Variants in WHRN observed in about 807,000 individuals in gnomAD.
WHRN encodes whirlin.
WHRN carries 41 observed loss-of-function variants against 68.3 expected under a neutral mutation model. That is an observed-to-expected ratio of 0.60 (90% CI 0.47 to 0.78). The LOEUF (loss-of-function observed/expected upper bound fraction) is 0.78, where lower values mean the gene tolerates loss of function less well. Among genes scored for constraint, WHRN ranks in the 30% least tolerant of loss-of-function variants. The probability of loss-of-function intolerance (pLI) is 0.00; values close to 1 mark genes in which losing one functional copy is unlikely to be tolerated. For missense variants in WHRN, 1,243 were observed against 1,244.7 expected, an observed-to-expected ratio of 1.00 and a Z score of 0.02; for synonymous variants, 560 against 561.3, an observed-to-expected ratio of 1.00 and a Z score of 0.03.
chr9:114,476,816 G>C (rs987977136), intron 2 of WHRN, among the ~76,000 whole-genome samples: 1 of 152,144 alleles, frequency 6.6e-6, no homozygotes, highest in Non-Finnish European at 1.5e-5. Flanking sequence ...CTACCTCCCA[G>C]TGTGGCTGCG....
chr9:114,404,642 C>T (rs771316075), intron 9 of WHRN, among the ~76,000 whole-genome samples: 1 of 151,972 alleles, frequency 6.6e-6, no homozygotes, highest in Non-Finnish European at 1.5e-5. Flanking sequence ...GAGACCCTAA[C>T]TTAAGAACAC....
At position 114,443,554 on chromosome 9, in the gene WHRN, T is replaced by A. The variant is rs74985203; in HGVS notation, c.964-17141A>T. Among the ~76,000 whole-genome samples the A allele has an allele frequency of 1.6e-3, 237 of 152,350 alleles. 1 individual carries two copies. The highest frequency in any genetic ancestry group is 3.4e-3 in the Middle Eastern group (1 of 294). On this transcript the variant is annotated intron_variant, in intron 3 of 11. Coordinates refer to ENST00000362057, the MANE Select transcript of WHRN (RefSeq NM_015404.4). ...ACCTCTACTTCAACAACCCTTGTGA[T>A]GACACGCGACCCACCAGGATAATCC...
At chr9:114,436,907 A>G (rs1350936184) in intron 3 of WHRN, among the ~76,000 whole-genome samples, 1 of 151,940 alleles carries the variant, frequency 6.6e-6, no homozygotes, top group African/African-American at 2.4e-5. Context: ...ATGAAAAATA[A>G]AAAACTTTTT....
intron 9 of WHRN, among the ~76,000 whole-genome samples, chr9:114,405,042 T>C (rs1834921953): frequency 6.7e-6 from 1 of 150,190 alleles, no homozygotes; most frequent in African/African-American, 2.4e-5. Context: ...CTTGGTAAGC[T>C]AGAAATTACT....
At chr9:114,433,067 C>G (rs1837553369) in intron 3 of WHRN, among the ~76,000 whole-genome samples, 1 of 152,210 alleles carries the variant, frequency 6.6e-6, no homozygotes, top group African/African-American at 2.4e-5. Flanking sequence ...TCATTAAGAG[C>G]TGGGATCTGG....
chr9:114,466,511 G>GCC, intron 2 of WHRN, 119 bp from the exon 3 acceptor site: 1 of 1,458,624 alleles, frequency 6.9e-7, no homozygotes, highest in South Asian at 1.1e-5. Flanking sequence ...TGGCAAGGAG[G>GCC]CCCAGGCCAA....
intron 7 of WHRN, among the ~76,000 whole-genome samples, chr9:114,419,461 A>G (rs1458993628): frequency 1.3e-5 from 2 of 152,254 alleles, no homozygotes. Context: ...TCAAGCAGTC[A>G]GCAGTCACAT....
chr9:114,477,097 G>A (rs1841713927), intron 2 of WHRN, among the ~76,000 whole-genome samples: 1 of 152,226 alleles, frequency 6.6e-6, no homozygotes, highest in South Asian at 2.1e-4. Flanking sequence ...CCGGGCTGCT[G>A]TGGTGCATAC....
At chr9:114,427,687 G>A (rs987011655) in intron 3 of WHRN, among the ~76,000 whole-genome samples, 1 of 152,184 alleles carries the variant, frequency 6.6e-6, no homozygotes, top group Non-Finnish European at 1.5e-5. Context: ...CAGTTCCCCG[G>A]CTTTTCTTGA....
At chr9:114,460,795 C>T (rs1373515894) in intron 3 of WHRN, among the ~76,000 whole-genome samples, 1 of 152,258 alleles carries the variant, frequency 6.6e-6, no homozygotes, top group Admixed American at 6.5e-5. Flanking sequence ...GGCACATTTT[C>T]TCTCCAGGGA....
rs34172199 is a variant in WHRN at position 114,405,070 on chromosome 9, CTTTTTTTTTT to C, written c.2237-1003_2237-994del. Among the ~76,000 whole-genome samples the C allele has an allele frequency of 3.4e-3, 368 of 109,204 alleles. 2 individuals are homozygous for C. Among genetic ancestry groups the C allele is most frequent in the African/African-American group, 0.012 (357 of 29,476 alleles). The allele number at this position is 109,204 out of a possible 152,430, so 71.6% of individuals were successfully genotyped here. A position where few individuals can be genotyped will look rare whatever the true frequency, so the allele number is the denominator to read the frequency against. ...AAATTACTACTTTCTCTCTCTCTCT[CTTTTTTTTTT>C]TTTTTTTTTTTTGAGACAGATTCTC... On this transcript the variant is annotated intron_variant, in intron 9 of 11. Transcript: ENST00000362057.
intron 2 of WHRN, among the ~76,000 whole-genome samples, chr9:114,467,215 C>T (rs1002305803): frequency 3.9e-5 from 6 of 152,190 alleles, no homozygotes; most frequent in African/African-American, 1.4e-4. Flanking sequence ...GCTCTGCCAT[C>T]CATCCTGAGG....
intron 1 of WHRN, among the ~76,000 whole-genome samples, chr9:114,497,131 ACT>A (rs1843524076): frequency 6.6e-6 from 1 of 152,044 alleles, no homozygotes; most frequent in Admixed American, 6.5e-5. Flanking sequence ...ACATCATTTT[ACT>A]CTGTTCTTCC....
intron 1 of WHRN, among the ~76,000 whole-genome samples, chr9:114,482,625 C>T (rs761837168): frequency 6.6e-5 from 10 of 152,040 alleles, no homozygotes; most frequent in Non-Finnish European, 1.5e-4. Flanking sequence ...CCCTCCCCCT[C>T]AGCATGTCTG....
intron 7 of WHRN, among the ~76,000 whole-genome samples, chr9:114,418,611 C>T (rs1428616609): frequency 1.3e-5 from 2 of 151,358 alleles, no homozygotes; most frequent in Non-Finnish European, 2.9e-5. Flanking sequence ...AGCATGTCTG[C>T]CCCCGTACTC....
Position 114,406,741 on chromosome 9 carries a change from G to A in WHRN, c.1850C>T (p.Ser617Leu), listed in dbSNP as rs150146590. 543 of 1,614,032 alleles carry A rather than the reference G, an allele frequency of 3.4e-4. No individual in the cohort carries two copies. Among genetic ancestry groups the A allele is most frequent in the Non-Finnish European group, 4.2e-4 (494 of 1,180,022 alleles). Residue 617 changes from serine to leucine, a missense_variant, in exon 9 of 12, where the codon TCG (serine) becomes TTG (leucine). Transcript: ENST00000362057. Reference sequence around the variant, plus strand: ...CTGTGGAGCCGAGAAGACAGTGCCCGAGCAGGAAGGCATGGAGGAAGGTGG... The same window carrying A: ...CTGTGGAGCCGAGAAGACAGTGCCCAAGCAGGAAGGCATGGAGGAAGGTGG... ...LQPPSSMPSC[S>L]GTVFSAPQNR... is the part of the protein sequence containing the mutation.
At chr9:114,411,968 A>T (rs1482371818) in intron 7 of WHRN, among the ~76,000 whole-genome samples, 1 of 152,230 alleles carries the variant, frequency 6.6e-6, no homozygotes, top group Non-Finnish European at 1.5e-5. Context: ...GAAGGCAGCC[A>T]TAGCTGGCCC....
chr9:114,436,794 A>G (rs1398401389), intron 3 of WHRN, among the ~76,000 whole-genome samples: 1 of 152,138 alleles, frequency 6.6e-6, no homozygotes, highest in Non-Finnish European at 1.5e-5. Flanking sequence ...GCGCCACTGC[A>G]CTCCAGCCTG....
In WHRN at chr9:114,426,356, C is replaced by T. The variant is rs373250248; in HGVS notation, c.1021G>A (p.Glu341Lys). The stretch of plus-strand genomic sequence containing the variant: ...GATGACTTAAGCAGCCTGACAGCCT[C>T]GTCGTGTAGGATGTTGAGAAAGCTC... ...GRSFLNILHD[E>K]AVRLLKSSRH... The change falls in exon 4 of 12, where the codon GAG becomes AAG. Residue 341 changes from glutamate (E) to lysine (K), a missense_variant. Glu to Lys is a moderately conservative substitution (Grantham distance 56, BLOSUM62 1). Transcript: ENST00000362057. The T allele has an allele frequency of 4.3e-6, 7 of 1,613,996 alleles. No individual in the cohort carries two copies. The highest frequency in any genetic ancestry group is 1.1e-5 in the South Asian group (1 of 91,092).
Sources: gnomAD v4.1 joint callset for allele counts (sites outside exome capture counted in the v4.1 genomes callset) on GRCh38, gnomAD v4.1.1 for gene constraint, MANE v1.5 for transcripts, NCBI Gene and HGNC (gene_info 2026-07-23, HGNC 2026-07-21) for gene names.